DIP2A: variants seen among roughly 807,000 people sequenced by gnomAD.
DIP2A encodes the protein DIP2 acetate--CoA ligase A.
In DIP2A, 85 loss-of-function variants were observed where a neutral mutation model predicts 177.4. That is an observed-to-expected ratio of 0.48 (90% CI 0.40 to 0.57). The LOEUF (loss-of-function observed/expected upper bound fraction) is 0.57. Among genes scored for constraint, DIP2A ranks in the 20% least tolerant of loss-of-function variants. DIP2A has a pLI of 0.00. For synonymous variants in DIP2A, 886 were observed against 881.8 expected, an observed-to-expected ratio of 1.00 and a Z score of -0.08; for missense variants, 1,791 against 2,100.2, an observed-to-expected ratio of 0.85 and a Z score of 2.88.
At chr21:46,573,888 TAGAC>T (rs2060980570), downstream of DIP2A, among the ~76,000 whole-genome samples, 2 of 151,606 alleles carry the variant, frequency 1.3e-5, no homozygotes, top group African/African-American at 2.4e-5. Flanking sequence ...AAAGGAGAAA[TAGAC>T]AGTTCTATAA....
chr21:46,487,776 G>C (rs187241868), intron 2 of DIP2A, among the ~76,000 whole-genome samples: 37 of 152,278 alleles, frequency 2.4e-4, no homozygotes, highest in Non-Finnish European at 5.0e-4. Context: ...ACCTACGTTA[G>C]GATCGTAAAA....
intron 18 of DIP2A, among the ~76,000 whole-genome samples, chr21:46,542,548 AC>A (rs1417533626): frequency 6.6e-6 from 1 of 152,232 alleles, no homozygotes; most frequent in African/African-American, 2.4e-5. Context: ...TGTAGGCCTG[AC>A]CGTCATGTTA....
intron 9 of DIP2A, among the ~76,000 whole-genome samples, chr21:46,530,462 G>C (rs1050169555): frequency 6.6e-6 from 1 of 152,130 alleles, no homozygotes; most frequent in African/African-American, 2.4e-5. Flanking sequence ...GAAACAACAA[G>C]GAAAGCTAGA....
chr21:46,544,905 G>GT (rs1254047949), intron 18 of DIP2A, among the ~76,000 whole-genome samples: 1 of 152,090 alleles, frequency 6.6e-6, no homozygotes, highest in East Asian at 1.9e-4. Flanking sequence ...CATGAAGGAT[G>GT]TGTTGTACTT....
At chr21:46,562,742 T>TC in intron 34 of DIP2A, among the ~76,000 whole-genome samples, 1 of 152,080 alleles carries the variant, frequency 6.6e-6, no homozygotes, top group African/African-American at 2.4e-5. Flanking sequence ...CCTTCCCGTG[T>TC]CCCCTGTTAC....
In DIP2A at chr21:46,534,147, A is replaced by C; in HGVS notation, c.1539+34A>C. On this transcript the variant is annotated intron_variant, in intron 12 of 37. Transcript: ENST00000417564. ...TGTTCCTAACTTAGAGAATGTAAAA[A>C]CATGTCCCACAGGCTTAAGTCTTGC... The C allele has an allele frequency of 3.3e-6, 5 of 1,511,556 alleles. 1 individual carries two copies. The highest frequency in any genetic ancestry group is 4.6e-6 in the Non-Finnish European group (5 of 1,091,038). 93.6% of individuals were successfully genotyped at this position (1,511,556 alleles called of 1,614,324 possible).
rs935314762 is a variant in DIP2A, at chr21:46,567,711, G to A, written c.*89G>A. 9.0e-5 allele frequency: 133 copies of A among 1,476,414 alleles called. No homozygotes were observed. The highest frequency in any genetic ancestry group is 5.6e-4 in the East Asian group (24 of 42,928). The allele number at this position is 1,476,414 out of a possible 1,614,324, so 91.5% of individuals were successfully genotyped here. A position where few individuals can be genotyped will look rare whatever the true frequency, so the allele number is the denominator to read the frequency against. The stretch of plus-strand genomic sequence containing the variant: ...GAAGACACCGCAGAGCTCACTCACC[G>A]GGACTCGCCCTTCCTGTGCTCTTAC... On this transcript the variant is annotated 3_prime_UTR_variant, in exon 38 of 38. Coordinates refer to ENST00000417564, the MANE Select transcript of DIP2A (RefSeq NM_015151.4).
At chr21:46,564,075 C>G in intron 35 of DIP2A, 143 bp downstream of exon 35, 2 of 904,500 alleles carry the variant, frequency 2.2e-6, no homozygotes, top group Admixed American at 2.7e-5. Context: ...CCGTGTACCT[C>G]CCAGACCCAG....
chr21:46,501,414 C>CT (rs916215060), intron 5 of DIP2A, among the ~76,000 whole-genome samples: 50 of 148,048 alleles, frequency 3.4e-4, no homozygotes, highest in East Asian at 9.8e-4. Context: ...TTTTATGCAG[C>CT]TTTTTTTTTT....
intron 8 of DIP2A, 144 bp downstream of exon 8, chr21:46,511,758 T>G: frequency 1.1e-6 from 1 of 874,562 alleles, no homozygotes; most frequent in Non-Finnish European, 1.6e-6. Context: ...CTATACCAGG[T>G]ACCCATCCCA....
downstream of DIP2A, among the ~76,000 whole-genome samples, chr21:46,572,247 A>G (rs2060974121): frequency 6.6e-6 from 1 of 152,222 alleles, no homozygotes; most frequent in Non-Finnish European, 1.5e-5. Context: ...ACTTAAAAAC[A>G]TTTGAAAGTT....
At chr21:46,571,261 T>C (rs1408556293), downstream of DIP2A, among the ~76,000 whole-genome samples, 1 of 152,188 alleles carries the variant, frequency 6.6e-6, no homozygotes, top group Non-Finnish European at 1.5e-5. Context: ...ACCATCGTCC[T>C]GTGCCCCCTG....
intron 1 of DIP2A, among the ~76,000 whole-genome samples, chr21:46,461,123 C>T (rs1336378100): frequency 6.6e-6 from 1 of 151,636 alleles, no homozygotes; most frequent in Non-Finnish European, 1.5e-5. Context: ...CATAGCAAGA[C>T]TCTGTCTCTA....
Position 46,539,981 on chromosome 21 carries a change from G to A in DIP2A, c.2026G>A (p.Ala676Thr), listed in dbSNP as rs766463257. The change falls in exon 17 of 38, where the codon GCC becomes ACC. Residue 676 changes from alanine (A) to threonine (T), a missense_variant. Coordinates refer to ENST00000417564, the MANE Select transcript of DIP2A (RefSeq NM_015151.4). ...CASSPEALTVAIRRPPDLGGP... is the reference protein window; with the variant it reads ...CASSPEALTVTIRRPPDLGGP... The stretch of plus-strand genomic sequence containing the variant: ...AAGTTCTCCTGAGGCGCTGACTGTC[G>A]CCATCCGCAGGTAACCTTATTCCTT... 15 of 1,613,562 alleles carry A rather than the reference G, an allele frequency of 9.3e-6. No homozygotes were observed. The East Asian group carries it at 1.3e-4, about 14-fold the overall frequency.
At chr21:46,507,700 T>C (rs1483685484) in intron 6 of DIP2A, among the ~76,000 whole-genome samples, 1 of 140,890 alleles carries the variant, frequency 7.1e-6, no homozygotes, top group Non-Finnish European at 1.5e-5. Context: ...TTCTTTTTTT[T>C]TTTTTTTTTT....
chr21:46,571,401 T>A (rs1037779762), downstream of DIP2A, among the ~76,000 whole-genome samples: 6 of 152,198 alleles, frequency 3.9e-5, no homozygotes, highest in African/African-American at 1.4e-4. Flanking sequence ...GCCAATATAT[T>A]GAAATTTAAA....
the DIP2A span, among the ~76,000 whole-genome samples, chr21:46,575,161 T>C: frequency 6.6e-6 from 1 of 152,058 alleles, no homozygotes; most frequent in Non-Finnish European, 1.5e-5. Flanking sequence ...ATTAATGGAA[T>C]GAAGGGGAAA....
At chr21:46,484,596 C>A (rs1411133604) in intron 1 of DIP2A, among the ~76,000 whole-genome samples, 161 bp from the exon 2 acceptor site, 1 of 152,256 alleles carries the variant, frequency 6.6e-6, no homozygotes, top group Non-Finnish European at 1.5e-5. Flanking sequence ...TTTTTTATTG[C>A]TGAGTGGTAT....
downstream of DIP2A, among the ~76,000 whole-genome samples, chr21:46,570,396 G>T (rs374851686): frequency 1.3e-5 from 2 of 152,140 alleles, no homozygotes; most frequent in East Asian, 3.8e-4. Context: ...ATATGTCCTC[G>T]TGTTCATGGC....
Sources: allele counts gnomAD v4.1 joint callset (sites outside exome capture counted in the v4.1 genomes callset), GRCh38; gene constraint gnomAD v4.1.1; transcripts MANE v1.5; gene names NCBI Gene and HGNC (gene_info 2026-07-23, HGNC 2026-07-21).